The following SLC7A1 variants were observed in gnomAD, a reference collection of about 807,000 sequenced individuals.
SLC7A1 encodes high affinity cationic amino acid transporter 1.
Under a neutral mutation model 53.9 loss-of-function variants are expected in SLC7A1, and 10 were observed. That is an observed-to-expected ratio of 0.19 (90% confidence interval 0.11 to 0.31). The LOEUF is 0.31. Among genes scored for constraint, SLC7A1 ranks in the 10% least tolerant of loss-of-function variants. The pLI, the probability that SLC7A1 is intolerant of heterozygous loss-of-function variation, is 1.00. For missense variants in SLC7A1, 525 were observed against 827.2 expected, an observed-to-expected ratio of 0.63 and a Z score of 4.48; for synonymous variants, 342 against 338.7, an observed-to-expected ratio of 1.01 and a Z score of -0.11.
chr13:29,529,155 G>C (rs560726646), intron 5 of SLC7A1, among the ~76,000 whole-genome samples: 12 of 152,112 alleles, frequency 7.9e-5, no homozygotes, highest in Non-Finnish European at 1.6e-4. Context: ...ATATTCAAAG[G>C]CCTCAGTTCT....
intron 5 of SLC7A1, among the ~76,000 whole-genome samples, chr13:29,524,577 G>C (rs147044091): frequency 6.6e-6 from 1 of 152,164 alleles, no homozygotes; most frequent in African/African-American, 2.4e-5. Context: ...CCAGCCACGC[G>C]GCCAGTCCCA....
chr13:29,541,203 T>G (rs922611656), intron 2 of SLC7A1, among the ~76,000 whole-genome samples: 2 of 152,088 alleles, frequency 1.3e-5, no homozygotes, highest in African/African-American at 4.8e-5. Flanking sequence ...AACTTACATT[T>G]TGAAAAACAA....
chr13:29,565,575 C>T (rs79187698), intron 1 of SLC7A1, among the ~76,000 whole-genome samples: 2 of 152,204 alleles, frequency 1.3e-5, no homozygotes, highest in Non-Finnish European at 2.9e-5. Context: ...TTGGTCCACA[C>T]TTGTACACTC....
intron 1 of SLC7A1, among the ~76,000 whole-genome samples, chr13:29,582,114 A>G (rs142949103): frequency 2.0e-5 from 3 of 152,320 alleles, no homozygotes; most frequent in East Asian, 3.9e-4. Context: ...AAATGAGGAA[A>G]CTGAGGCACA....
At chr13:29,522,269 G>C (rs750591775) in intron 8 of SLC7A1, 48 bp downstream of exon 8, 7 of 1,598,184 alleles carry the variant, frequency 4.4e-6, no homozygotes, top group Admixed American at 1.7e-5. Flanking sequence ...AGGGAGTAAT[G>C]ACTCCATTGT....
intron 1 of SLC7A1, among the ~76,000 whole-genome samples, chr13:29,573,633 G>A (rs1190104421): frequency 2.6e-5 from 4 of 152,188 alleles, no homozygotes; most frequent in Non-Finnish European, 5.9e-5. Flanking sequence ...GGACTGCCCA[G>A]TTAAATCTAA....
intron 1 of SLC7A1, among the ~76,000 whole-genome samples, chr13:29,592,377 C>G (rs980354787): frequency 1.3e-5 from 2 of 152,212 alleles, no homozygotes; most frequent in Admixed American, 1.3e-4. Flanking sequence ...TTTCTGAAGC[C>G]CAAGTTCCTG....
At chr13:29,518,553 G>T (rs1163723798) in intron 9 of SLC7A1, among the ~76,000 whole-genome samples, 2 of 152,164 alleles carry the variant, frequency 1.3e-5, no homozygotes, top group African/African-American at 4.8e-5. Context: ...ACCCCACTCG[G>T]TCAATTAAGA....
chr13:29,541,877 G>A (rs1284680829), intron 2 of SLC7A1, among the ~76,000 whole-genome samples: 1 of 152,084 alleles, frequency 6.6e-6, no homozygotes, highest in African/African-American at 2.4e-5. Flanking sequence ...GTTCATGACA[G>A]GTTCACAGAA....
chr13:29,517,543 G>T (rs373635088), intron 10 of SLC7A1, 30 bp downstream of exon 10: 8 of 1,562,310 alleles, frequency 5.1e-6, no homozygotes, highest in Non-Finnish European at 7.1e-6. Context: ...ATGCCAACAA[G>T]CAAGGCCCCA....
At chr13:29,532,381 C>T (rs1249759103) in intron 4 of SLC7A1, among the ~76,000 whole-genome samples, 2 of 152,204 alleles carry the variant, frequency 1.3e-5, no homozygotes, top group South Asian at 4.1e-4. Flanking sequence ...CCATCCAAGT[C>T]ATCTTCAGAC....
chr13:29,550,996 T>C (rs539802722), intron 2 of SLC7A1, among the ~76,000 whole-genome samples: 1 of 152,354 alleles, frequency 6.6e-6, no homozygotes, highest in South Asian at 2.1e-4. Flanking sequence ...CCTGAAGCTA[T>C]TTCATCTTAA....
At chr13:29,533,518 T>C (rs968313836) in intron 3 of SLC7A1, among the ~76,000 whole-genome samples, 8 of 152,198 alleles carry the variant, frequency 5.3e-5, no homozygotes, top group Admixed American at 1.3e-4. Context: ...TAGGAAGTCC[T>C]TGAAGGGGCT....
At chr13:29,540,426 T>TA (rs1869612037) in intron 2 of SLC7A1, among the ~76,000 whole-genome samples, 1 of 152,204 alleles carries the variant, frequency 6.6e-6, no homozygotes, top group South Asian at 2.1e-4. Flanking sequence ...TCTATTCTAG[T>TA]AACCACTACA....
intron 1 of SLC7A1, among the ~76,000 whole-genome samples, chr13:29,556,156 A>C (rs1870430398): frequency 6.6e-6 from 1 of 152,252 alleles, no homozygotes; most frequent in South Asian, 2.1e-4. Context: ...AACACGTCCA[A>C]ACTGACTGAA....
chr13:29,575,983 T>G (rs1311588812), intron 1 of SLC7A1, among the ~76,000 whole-genome samples: 1 of 152,130 alleles, frequency 6.6e-6, no homozygotes, highest in Non-Finnish European at 1.5e-5. Context: ...GCTTGATAAC[T>G]GGTGGAATTA....
chr13:29,586,486 G>T (rs543827325), intron 1 of SLC7A1, among the ~76,000 whole-genome samples: 2 of 152,306 alleles, frequency 1.3e-5, no homozygotes, highest in South Asian at 4.1e-4. Flanking sequence ...ATTGCACCCA[G>T]ATGGTTTCAC....
In SLC7A1 at chr13:29,567,162, C is replaced by T. The variant is rs147673754; in HGVS notation, c.-114-13302G>A. Among the ~76,000 whole-genome samples the T allele has an allele frequency of 3.6e-3, 554 of 152,258 alleles. 4 individuals are homozygous for T. Among genetic ancestry groups the T allele is most frequent in the African/African-American group, 0.013 (523 of 41,546 alleles). On this transcript the variant is annotated intron_variant, in intron 1 of 12. Transcript: ENST00000380752. ...GCAAATACAAGCTCCTGTTTTAATA[C>T]GCAGCTTAAATATTTCATGGTGACA...
chr13:29,545,502 G>A (rs988883283), intron 2 of SLC7A1, among the ~76,000 whole-genome samples: 9 of 152,228 alleles, frequency 5.9e-5, no homozygotes, highest in Admixed American at 3.9e-4. Flanking sequence ...AAGGTGCTGT[G>A]AGGCTCACAT....
Sources: gnomAD v4.1 joint callset for allele counts (sites outside exome capture counted in the v4.1 genomes callset) on GRCh38, gnomAD v4.1.1 for gene constraint, MANE v1.5 for transcripts, NCBI Gene and HGNC (gene_info 2026-07-23, HGNC 2026-07-21) for gene names.